Variants in SH3RF1 observed in about 807,000 individuals in gnomAD.
SH3RF1 encodes SH3 domain containing ring finger 1, also known as E3 ubiquitin-protein ligase SH3RF1.
A neutral mutation model predicts 74.0 loss-of-function variants in SH3RF1; 32 were observed. That is an observed-to-expected ratio of 0.43 (90% CI 0.33 to 0.58). The LOEUF is 0.58. Among genes scored for constraint, SH3RF1 ranks in the 20% least tolerant of loss-of-function variants. The pLI, the probability that SH3RF1 is intolerant of heterozygous loss-of-function variation, is 0.05. For missense variants in SH3RF1, 954 were observed against 1,130.9 expected, an observed-to-expected ratio of 0.84 and a Z score of 2.24; for synonymous variants, 396 against 439.6, an observed-to-expected ratio of 0.90 and a Z score of 1.24.
chr4:169,188,501 C>T (rs1162215236), intron 2 of SH3RF1, among the ~76,000 whole-genome samples: 1 of 152,172 alleles, frequency 6.6e-6, no homozygotes, highest in Non-Finnish European at 1.5e-5. Flanking sequence ...CAGCTTGTTA[C>T]TCTAATACTA....
At chr4:169,206,291 T>A (rs1730259764) in intron 2 of SH3RF1, among the ~76,000 whole-genome samples, 1 of 152,202 alleles carries the variant, frequency 6.6e-6, no homozygotes, top group Non-Finnish European at 1.5e-5. Flanking sequence ...ATATTTGAAG[T>A]CCCACTGGAT....
chr4:169,213,829 T>C (rs919743578), intron 2 of SH3RF1, among the ~76,000 whole-genome samples: 7 of 152,260 alleles, frequency 4.6e-5, no homozygotes, highest in Non-Finnish European at 1.0e-4. Context: ...TGACTATATT[T>C]ATGTGAGTCT....
chr4:169,226,983 A>C (rs1415709678), intron 2 of SH3RF1, among the ~76,000 whole-genome samples: 1 of 152,136 alleles, frequency 6.6e-6, no homozygotes, highest in East Asian at 1.9e-4. Context: ...CCTGGTCAAC[A>C]TAACAAGACC....
intron 2 of SH3RF1, among the ~76,000 whole-genome samples, chr4:169,170,509 C>T (rs1734309583): frequency 1.3e-5 from 2 of 152,156 alleles, no homozygotes; most frequent in African/African-American, 2.4e-5. Context: ...TATATTAAAA[C>T]ATATGCTTTT....
At chr4:169,268,361 G>A (rs1451091378) in intron 2 of SH3RF1, among the ~76,000 whole-genome samples, 2 of 152,078 alleles carry the variant, frequency 1.3e-5, no homozygotes, top group African/African-American at 4.8e-5. Context: ...AAAACCAATA[G>A]AATGATTCTA....
At chr4:169,099,180 C>T (rs1732976710) in intron 11 of SH3RF1, among the ~76,000 whole-genome samples, 2 of 152,186 alleles carry the variant, frequency 1.3e-5, no homozygotes, top group Non-Finnish European at 2.9e-5. Flanking sequence ...GTAGCCTTGA[C>T]CTCCCAGGCT....
In SH3RF1 at chr4:169,185,268, G is replaced by A. The variant is rs192495173; in HGVS notation, c.394-28589C>T. ...ATCTGGGATCCCACACCTGAATGCA[G>A]GGAGAACAGCCAAGAGAGAAACAGC... is the stretch of plus-strand genomic sequence containing the variant. On this transcript the variant is annotated intron_variant, in intron 2 of 11. Coordinates refer to ENST00000284637, the MANE Select transcript of SH3RF1 (RefSeq NM_020870.4). 2.2e-3 allele frequency among the ~76,000 whole-genome samples: 336 copies of A among 152,294 alleles called. 2 individuals carry two copies. Among genetic ancestry groups the A allele is most frequent in the African/African-American group, 7.6e-3 (314 of 41,560 alleles).
Position 169,265,469 on chromosome 4 carries a change from G to T in SH3RF1, c.393+3351C>A, listed in dbSNP as rs575849493. ...AACTTAATGTTAAGAGATATTAAGA[G>T]AACTTAAAAGAATTTTTTTTTGAGA... On this transcript the variant is annotated intron_variant, in intron 2 of 11. Transcript: ENST00000284637. 2.7e-3 allele frequency among the ~76,000 whole-genome samples: 413 copies of T among 151,972 alleles called. 1 individual carries two copies. The highest frequency in any genetic ancestry group is 0.021 in the South Asian group (99 of 4,826).
intron 10 of SH3RF1, among the ~76,000 whole-genome samples, chr4:169,109,491 T>C (rs1358838859): frequency 6.6e-6 from 1 of 152,186 alleles, no homozygotes; most frequent in Non-Finnish European, 1.5e-5. Context: ...TTAGGAATCA[T>C]GGCAGGGCAC....
At chr4:169,163,836 C>T (rs1190875943) in intron 2 of SH3RF1, among the ~76,000 whole-genome samples, 6 of 152,188 alleles carry the variant, frequency 3.9e-5, no homozygotes, top group Non-Finnish European at 5.9e-5. Context: ...ATATGTATCA[C>T]GTGCCTGATA....
intron 2 of SH3RF1, among the ~76,000 whole-genome samples, chr4:169,224,143 C>G (rs1270871368): frequency 6.6e-6 from 1 of 152,136 alleles, no homozygotes; most frequent in East Asian, 1.9e-4. Flanking sequence ...TCTAAACACT[C>G]CTATGAGGGA....
At chr4:169,219,626 T>G (rs1730529587) in intron 2 of SH3RF1, among the ~76,000 whole-genome samples, 1 of 152,248 alleles carries the variant, frequency 6.6e-6, no homozygotes, top group South Asian at 2.1e-4. Flanking sequence ...CCTTGTCTAC[T>G]GTTTTGTATT....
chr4:169,207,798 A>C (rs1730285913), intron 2 of SH3RF1, among the ~76,000 whole-genome samples: 1 of 152,210 alleles, frequency 6.6e-6, no homozygotes, highest in African/African-American at 2.4e-5. Context: ...CTATGTCAAA[A>C]GCCAAGACTC....
chr4:169,104,509 T>C (rs779854494), intron 11 of SH3RF1, among the ~76,000 whole-genome samples: 1 of 152,204 alleles, frequency 6.6e-6, no homozygotes, highest in Non-Finnish European at 1.5e-5. Flanking sequence ...ATTTCATTTG[T>C]AGGGAGAGAA....
intron 2 of SH3RF1, among the ~76,000 whole-genome samples, chr4:169,241,224 C>T (rs1023488779): frequency 8.5e-5 from 13 of 152,178 alleles, no homozygotes; most frequent in Middle Eastern, 3.4e-3. Flanking sequence ...AGCGAGACTC[C>T]GTCTCAAAAT....
intron 2 of SH3RF1, among the ~76,000 whole-genome samples, chr4:169,216,144 A>G (rs754244907): frequency 3.3e-5 from 5 of 152,190 alleles, no homozygotes; most frequent in Non-Finnish European, 7.4e-5. Flanking sequence ...TATGTTAGCT[A>G]TATTTGTATC....
intron 10 of SH3RF1, among the ~76,000 whole-genome samples, chr4:169,109,605 G>A (rs4072953): frequency 2.0e-5 from 3 of 151,968 alleles, no homozygotes; most frequent in African/African-American, 7.3e-5. Context: ...GTTAGCAGAA[G>A]AATGTTCCAC....
intron 9 of SH3RF1, 38 bp from the exon 10 acceptor site, chr4:169,116,668 T>C (rs1264115959): frequency 6.6e-7 from 1 of 1,507,064 alleles, no homozygotes; most frequent in Admixed American, 2.2e-5. Context: ...AAAATTCAAC[T>C]ATCTAATAGA....
At chr4:169,161,955 G>A (rs991404285) in intron 2 of SH3RF1, among the ~76,000 whole-genome samples, 15 of 152,224 alleles carry the variant, frequency 9.9e-5, no homozygotes, top group African/African-American at 3.1e-4. Flanking sequence ...TGAGACAGGC[G>A]GATCACTTAA....
Sources: allele counts gnomAD v4.1 joint callset (sites outside exome capture counted in the v4.1 genomes callset), GRCh38; gene constraint gnomAD v4.1.1; transcripts MANE v1.5; gene names NCBI Gene and HGNC (gene_info 2026-07-23, HGNC 2026-07-21).